Variants in CHRD observed in about 807,000 individuals in gnomAD.
CHRD encodes the protein chordin.
Under a neutral mutation model 113.7 loss-of-function variants are expected in CHRD, and 69 were observed. That is an observed-to-expected ratio of 0.61 (90% CI 0.50 to 0.74). The LOEUF is 0.74. Among genes scored for constraint, CHRD ranks in the 30% least tolerant of loss-of-function variants. The probability of loss-of-function intolerance (pLI) is 0.00; values close to 1 mark genes in which losing one functional copy is unlikely to be tolerated. For missense variants in CHRD, 1,194 were observed against 1,295.8 expected (o/e 0.92, Z 1.21); for synonymous variants, 561 against 540.8 (o/e 1.04, Z -0.52).
intron 22 of CHRD, 37 bp downstream of exon 22, chr3:184,389,032 G>C: frequency 6.9e-7 from 1 of 1,439,366 alleles, no homozygotes. Flanking sequence ...GCTGTGAGTG[G>C]AGGGCTCACC....
chr3:184,381,908 G>A lies in CHRD; in HGVS notation c.612-25G>A. ...GAGGGGCTGCTTTTGGCTCAGTCCG[G>A]CCTCACCCGACCTCTCATTCCCAGG... On this transcript the variant is annotated intron_variant, in intron 5 of 22. Transcript: ENST00000204604. This position sits in a 1 kb window ranked among gnomAD's most constrained non-coding sequence, Gnocchi z 4.7. 1 of 1,613,786 alleles carries A rather than the reference G, an allele frequency of 6.2e-7. No homozygotes were observed. Among genetic ancestry groups the A allele is most frequent in the Non-Finnish European group, 8.5e-7 (1 of 1,179,950 alleles).
At chr3:184,383,812 CTG>C (rs1481761358) in intron 12 of CHRD, among the ~76,000 whole-genome samples, 170 bp downstream of exon 12, 1 of 135,670 alleles carries the variant, frequency 7.4e-6, no homozygotes, top group East Asian at 2.1e-4. Context: ...GAGTCTGGCT[CTG>C]TCACCAGGCT....
chr3:184,382,797 A>G (rs1715657583), intron 8 of CHRD, 23 bp downstream of exon 8: 1 of 1,613,200 alleles, frequency 6.2e-7, no homozygotes, highest in Admixed American at 1.7e-5. Context: ...GGGGCAAAAC[A>G]CGTGAGAAGG....
Position 184,380,330 on chromosome 3 carries a change from C to G in CHRD, c.12C>G (p.Leu4=). ...GTCCCGTTCGCGTCATGCCGAGCCT[C>G]CCGGCCCCGCCGGCCCCGCTGCTGC... is the stretch of plus-strand genomic sequence containing the variant. Residue 4 remains leucine, a synonymous_variant, in exon 1 of 23, where the codon CTC becomes CTG. Coordinates refer to ENST00000204604, the Ensembl canonical transcript of CHRD. The surrounding 1 kb of genome is among the most constrained non-coding windows in gnomAD (Gnocchi z 6.3). 1 of 1,334,626 alleles carries G rather than the reference C, an allele frequency of 7.5e-7. No individual in the cohort carries two copies. Among genetic ancestry groups the G allele is most frequent in the Non-Finnish European group, 9.7e-7 (1 of 1,031,432 alleles). 82.7% of individuals were successfully genotyped at this position (1,334,626 alleles called of 1,614,324 possible).
intron 6 of CHRD, 101 bp from the exon 7 acceptor site, chr3:184,382,288 T>C (rs1039496537): frequency 1.4e-5 from 22 of 1,559,004 alleles, no homozygotes; most frequent in Non-Finnish European, 1.7e-5. Context: ...ACCCTGGAGG[T>C]TCCTTTCCAT....
At position 184,388,981 on chromosome 3, in the gene CHRD, C is replaced by T. The variant is rs779756651; in HGVS notation, c.2798C>T (p.Thr933Met). The T allele has an allele frequency of 5.7e-5, 92 of 1,610,074 alleles. 1 individual carries two copies. Among genetic ancestry groups the T allele is most frequent in the African/African-American group, 8.0e-5 (6 of 74,834 alleles). ...GAGAGTCGATGCTGTTCCCGCTGCA[C>T]GGCCCACCGGCGGCGTAAGTGAGGG... Residue 933 changes from threonine to methionine, a missense_variant, in exon 22 of 23, where the codon ACG becomes ATG. Coordinates refer to ENST00000204604, the Ensembl canonical transcript of CHRD. The surrounding 1 kb of genome is among the most constrained non-coding windows in gnomAD (Gnocchi z 6.1).
chr3:184,381,825 G>A lies in CHRD; in HGVS notation c.611+10G>A, dbSNP rs567763682. On this transcript the variant is annotated intron_variant, in intron 5 of 22. Transcript: ENST00000204604. The surrounding 1 kb of genome is among the most constrained non-coding windows in gnomAD (Gnocchi z 4.7). ...CTATCTCCTACAGGCGGTGAGAAAG[G>A]GGAAGGAGCAAGGAGGGGTCAGCTG... 6.2e-7 allele frequency: 1 copy of A among 1,612,788 alleles called. No homozygotes were observed. Among genetic ancestry groups the A allele is most frequent in the African/African-American group, 1.3e-5 (1 of 75,058 alleles).
In CHRD at chr3:184,383,192, G is replaced by T. The variant is rs184691285; in HGVS notation, c.1213+29G>T. Reference sequence around the variant, plus strand: ...AGGCGGGGGGGGGGCCTGGTGCGCCGGGCATGCACAACTGAGAGACACAGA... The same window carrying T: ...AGGCGGGGGGGGGGCCTGGTGCGCCTGGCATGCACAACTGAGAGACACAGA... On this transcript the variant is annotated intron_variant, in intron 10 of 22. Transcript: ENST00000204604. 5.7e-6 allele frequency: 9 copies of T among 1,592,378 alleles called. No individual in the cohort carries two copies. The South Asian group carries it at 1.0e-4, about 18-fold the overall frequency.
exon 16 of CHRD, chr3:184,386,492 G>T: frequency 1.3e-6 from 2 of 1,539,042 alleles, no homozygotes; most frequent in Non-Finnish European, 1.7e-6. Context: ...CTCCTCCCAG[G>T]TGCACATAGC....
At chr3:184,386,439 G>A in intron 15 of CHRD, 53 bp from the exon 16 acceptor site, 1 of 1,525,954 alleles carries the variant, frequency 6.6e-7, no homozygotes, top group Non-Finnish European at 8.8e-7. Context: ...GCTGCCGCTG[G>A]TAAAGACGCG....
At position 184,388,546 on chromosome 3, in the gene CHRD, T is replaced by C. The variant is rs1716738920; in HGVS notation, c.2555-41T>C. On this transcript the variant is annotated intron_variant, in intron 20 of 22. Coordinates refer to ENST00000204604, the Ensembl canonical transcript of CHRD. The surrounding 1 kb of genome is among the most constrained non-coding windows in gnomAD (Gnocchi z 6.1). ...AAAGAGAATACTCATAAAACCTTGT[T>C]GGTCCTCCTGGGCTGATCCTTTCTC... 6.3e-7 allele frequency: 1 copy of C among 1,577,466 alleles called. No individual in the cohort carries two copies. The highest frequency in any genetic ancestry group is 1.9e-5 in the Admixed American group (1 of 53,906).
exon 23 of CHRD, chr3:184,389,618 CA>C (rs1200877965): frequency 1.7e-6 from 1 of 579,016 alleles, no homozygotes; most frequent in Non-Finnish European, 3.1e-6. Flanking sequence ...ACCGAGGTCA[CA>C]GCCACTCCAA....
exon 14 of CHRD, chr3:184,385,181 T>TGGGCCTCCTGGAACGCCA: frequency 6.2e-7 from 1 of 1,614,118 alleles, no homozygotes; most frequent in South Asian, 1.1e-5. Context: ...CCCACCTCCT[T>TGGGCCTCCTGGAACGCCA]GGGCCTCCTG....
chr3:184,385,894 G>A, intron 14 of CHRD, 152 bp from the exon 15 acceptor site: 1 of 741,540 alleles, frequency 1.3e-6, no homozygotes, highest in Non-Finnish European at 2.3e-6. Context: ...GAGAGACCTG[G>A]CTTCCAAGCT....
At chr3:184,383,153 G>C (rs1375043020) in exon 10 of CHRD, 1 of 1,598,540 alleles carries the variant, frequency 6.3e-7, no homozygotes, top group East Asian at 2.2e-5. Flanking sequence ...CTGCCAGGAA[G>C]AGCTGCGACG....
chr3:184,381,105 G>A lies in CHRD; in HGVS notation c.253-130G>A, dbSNP rs755279656. 4.8e-6 allele frequency: 5 copies of A among 1,041,212 alleles called. No homozygotes were observed. The highest frequency in any genetic ancestry group is 1.3e-5 in the South Asian group (1 of 78,618). 64.5% of individuals were successfully genotyped at this position (1,041,212 alleles called of 1,614,324 possible). ...GGACCTTGAGGCCCAGAGAGATGAA[G>A]TAGCTTGTCTAGGGTCACGCAGCTT... On this transcript the variant is annotated intron_variant, in intron 2 of 22. Coordinates refer to ENST00000204604, the Ensembl canonical transcript of CHRD. This position sits in a 1 kb window ranked among gnomAD's most constrained non-coding sequence, Gnocchi z 4.7.
chr3:184,386,274 C>T (rs1577403493), intron 15 of CHRD, 115 bp downstream of exon 15: 1 of 1,265,318 alleles, frequency 7.9e-7, no homozygotes, highest in East Asian at 2.5e-5. Context: ...GGTCGTATCA[C>T]AGCGCCCCCC....
chr3:184,388,975 G>A lies in CHRD; in HGVS notation c.2792G>A (p.Arg931His), dbSNP rs758051783. The change falls in exon 22 of 23, where the codon CGC becomes CAC. Residue 931 changes from arginine (R) to histidine (H), a missense_variant. By Grantham distance (29) the Arg-to-His change is conservative. Coordinates refer to ENST00000204604, the Ensembl canonical transcript of CHRD. The surrounding 1 kb of genome is among the most constrained non-coding windows in gnomAD (Gnocchi z 6.1). ...GGGAAGGAGAGTCGATGCTGTTCCC[G>A]CTGCACGGCCCACCGGCGGCGTAAG... The A allele has an allele frequency of 1.1e-5, 17 of 1,611,586 alleles. No individual in the cohort carries two copies. Among genetic ancestry groups the A allele is most frequent in the Middle Eastern group, 1.7e-4 (1 of 6,058 alleles).
chr3:184,389,610 C>CG lies in CHRD; in HGVS notation c.*189dup, dbSNP rs1369912350. 6.8e-6 allele frequency: 4 copies of CG among 590,972 alleles called. No homozygotes were observed. In the African/African-American group the frequency reaches 7.4e-5, roughly 11 times the overall value. 36.6% of individuals were successfully genotyped at this position (590,972 alleles called of 1,614,324 possible). ...AGGGGGAGAGGCAGCTGGGCCAGAC[C>CG]GAGGTCACAGCCACTCCAAGTCCTG... is the stretch of plus-strand genomic sequence containing the variant. On this transcript the variant is annotated 3_prime_UTR_variant, in exon 23 of 23. Transcript: ENST00000204604.
Sources: gnomAD v4.1 joint callset for allele counts (sites outside exome capture counted in the v4.1 genomes callset) on GRCh38, gnomAD v4.1.1 for gene constraint, Gnocchi (gnomAD v3.1) non-coding constraint, MANE v1.5 for transcripts, NCBI Gene and HGNC (gene_info 2026-07-23, HGNC 2026-07-21) for gene names.